Variants in ZBTB4 observed in about 807,000 individuals in gnomAD.
ZBTB4 encodes the protein zinc finger and BTB domain-containing protein 4.
A neutral mutation model predicts 59.8 loss-of-function variants in ZBTB4; 14 were observed. That is an observed-to-expected ratio of 0.23 (90% confidence interval 0.15 to 0.37). The LOEUF (loss-of-function observed/expected upper bound fraction) is 0.37. ZBTB4 is among the 10% of genes least tolerant of loss of function. The probability of loss-of-function intolerance (pLI) is 1.00; values close to 1 mark genes in which losing one functional copy is unlikely to be tolerated. For missense variants in ZBTB4, 1,198 were observed against 1,380.8 expected, an observed-to-expected ratio of 0.87 and a Z score of 2.10; for synonymous variants, 587 against 575.2, an observed-to-expected ratio of 1.02 and a Z score of -0.29.
intron 1 of ZBTB4, among the ~76,000 whole-genome samples, chr17:7,475,510 G>A (rs923916565): frequency 6.6e-6 from 1 of 151,944 alleles, no homozygotes; most frequent in Non-Finnish European, 1.5e-5. Flanking sequence ...GGAGCGCAGT[G>A]GCGTGATCTC....
intron 1 of ZBTB4, among the ~76,000 whole-genome samples, chr17:7,471,210 G>T (rs1426218058): frequency 6.6e-6 from 1 of 151,920 alleles, no homozygotes; most frequent in Non-Finnish European, 1.5e-5. Context: ...TTGAGACAGG[G>T]TCTCATTCTG....
chr17:7,476,197 C>T (rs2070267125), intron 1 of ZBTB4, among the ~76,000 whole-genome samples: 1 of 152,180 alleles, frequency 6.6e-6, no homozygotes, highest in Non-Finnish European at 1.5e-5. Flanking sequence ...CGTCCCTAAC[C>T]ACAGTTCAGG....
At chr17:7,474,901 A>G (rs912484342) in intron 1 of ZBTB4, among the ~76,000 whole-genome samples, 2 of 150,774 alleles carry the variant, frequency 1.3e-5, no homozygotes, top group African/African-American at 4.9e-5. Context: ...AACCCCAGCT[A>G]CTCAGGTGGC....
intron 1 of ZBTB4, 32 bp from the exon 2 acceptor site, chr17:7,467,359 C>T: frequency 1.5e-6 from 1 of 674,888 alleles, no homozygotes; most frequent in African/African-American, 2.0e-5. Context: ...GTCAGGGGAA[C>T]CTAGAGGAGG....
In ZBTB4 at chr17:7,466,536, G is replaced by A; in HGVS notation, c.266C>T (p.Ser89Phe). The A allele has an allele frequency of 6.2e-7, 1 of 1,612,436 alleles. No homozygotes were observed. The highest frequency in any genetic ancestry group is 1.7e-4 in the Middle Eastern group (1 of 6,012). Residue 89 changes from serine to phenylalanine, a missense_variant, in exon 3 of 4, where the codon TCC becomes TTC. Physicochemically the swap from Ser to Phe is radical, Grantham distance 155. Transcript: ENST00000380599. The surrounding 1 kb of genome is among the most constrained non-coding windows in gnomAD (Gnocchi z 9.1). ...AGAAGAGGAAGAAGACGAGGAAGAG[G>A]AGGAGGAGGAAGAGGCAGCTGTGGT... ...ATTTAASSSS[S>F]SSSSSSSSSS...
rs1407888504 is a variant in ZBTB4 at position 7,463,783 on chromosome 17, G to A, written c.1199C>T (p.Thr400Ile). ...CTTGGGCTTGTAGCCTCCATTGGGT[G>A]TCTTCTCACTGGCAAGGAGGCCCGG... is the stretch of plus-strand genomic sequence containing the variant. Reference protein sequence around the residue: ...ISPGLLASEKTPNGGYKPKLN... With the variant: ...ISPGLLASEKIPNGGYKPKLN... Residue 400 changes from threonine (T) to isoleucine (I), a missense_variant, in exon 4 of 4, where the codon ACA (threonine) becomes ATA (isoleucine). Thr to Ile is a moderately conservative substitution (Grantham distance 89). This residue lies in a region of ZBTB4 where 60 missense variants were observed against 93.0 expected (regional missense o/e 0.64). Transcript: ENST00000380599. The A allele has an allele frequency of 1.2e-6, 2 of 1,614,044 alleles. No individual in the cohort carries two copies. Among genetic ancestry groups the A allele is most frequent in the Admixed American group, 3.3e-5 (2 of 60,010 alleles).
chr17:7,464,534 A>T (rs911773967), intron 3 of ZBTB4, among the ~76,000 whole-genome samples: 16 of 150,550 alleles, frequency 1.1e-4, no homozygotes, highest in South Asian at 4.2e-4. Context: ...CTTTTTTTTT[A>T]AATTCTCAAA....
rs576219942 is a variant in ZBTB4, at chr17:7,462,227, G to A, written c.2755C>T (p.Pro919Ser). 2 of 1,613,768 alleles carry A rather than the reference G, an allele frequency of 1.2e-6. No homozygotes were observed. Among genetic ancestry groups the A allele is most frequent in the Non-Finnish European group, 1.7e-6 (2 of 1,179,862 alleles). ...CCATAGACGAGCGGGTAGGGCTCAG[G>A]GTAGAAAGTGACTTTGGCAGCCCCT... ...GIGAAKVTFY[P>S]EPYPLVYGPQ... is the part of the protein sequence containing the mutation. The change falls in exon 4 of 4, where the codon CCT (proline) becomes TCT (serine). Residue 919 changes from proline to serine, a missense_variant. Physicochemically the swap from Pro to Ser is moderately conservative, Grantham distance 74 (BLOSUM62 -1). Coordinates refer to ENST00000380599, the MANE Select transcript of ZBTB4 (RefSeq NM_001128833.2). This position sits in a 1 kb window ranked among gnomAD's most constrained non-coding sequence, Gnocchi z 7.5.
intron 1 of ZBTB4, among the ~76,000 whole-genome samples, chr17:7,473,507 G>C (rs560386317): frequency 1.3e-5 from 2 of 151,926 alleles, no homozygotes; most frequent in African/African-American, 4.8e-5. Flanking sequence ...TGATCTGCCC[G>C]CCTCAGCCTC....
upstream of ZBTB4, among the ~76,000 whole-genome samples, chr17:7,480,661 A>G (rs889600057): frequency 6.6e-6 from 1 of 151,100 alleles, no homozygotes; most frequent in Admixed American, 6.6e-5. Context: ...CGGAGCTTGC[A>G]GTGAGCCGAG....
Position 7,475,505 on chromosome 17 carries a change from G to A in ZBTB4, c.-81+3951C>T, listed in dbSNP as rs759329459. On this transcript the variant is annotated intron_variant, in intron 1 of 3. Coordinates refer to ENST00000380599, the MANE Select transcript of ZBTB4 (RefSeq NM_001128833.2). The stretch of plus-strand genomic sequence containing the variant: ...ATTATCCTGTTGCCCAGGCTGGAGC[G>A]CAGTGGCGTGATCTCGGCTCACTGC... Among the ~76,000 whole-genome samples the A allele has an allele frequency of 3.9e-5, 6 of 152,084 alleles. No homozygotes were observed. In the South Asian group the frequency reaches 1.2e-3, roughly 32 times the overall value.
At chr17:7,467,236 G>C in intron 2 of ZBTB4, 21 bp downstream of exon 2, 2 of 1,002,688 alleles carry the variant, frequency 2.0e-6, no homozygotes, top group South Asian at 9.1e-5. Flanking sequence ...CCTCACTGTA[G>C]GCCTCTGGGT....
At chr17:7,474,535 T>A (rs1317778856) in intron 1 of ZBTB4, among the ~76,000 whole-genome samples, 1 of 152,110 alleles carries the variant, frequency 6.6e-6, no homozygotes, top group East Asian at 1.9e-4. Flanking sequence ...GGGAATTTTG[T>A]CTGCTTTGTT....
rs955301739 is a variant in ZBTB4 at position 7,467,301 on chromosome 17, G to A, written c.-54C>T. 2.6e-5 allele frequency: 25 copies of A among 961,316 alleles called. No individual in the cohort carries two copies. In the Admixed American group the frequency reaches 4.3e-4, roughly 16 times the overall value. The allele number at this position is 961,316 out of a possible 1,614,324, so 59.5% of individuals were successfully genotyped here. ...GGAGTGGGGCGGGGGGTGGCTCAGC[G>A]AGTCCCTTCTGCTGGGCCTCTTCCT... On this transcript the variant is annotated 5_prime_UTR_variant, in exon 2 of 4. Coordinates refer to ENST00000380599, the MANE Select transcript of ZBTB4 (RefSeq NM_001128833.2).
rs3853894 is a variant in ZBTB4, at chr17:7,467,286, G to A, written c.-39C>T. 146,101 of 983,610 alleles carry A rather than the reference G, an allele frequency of 0.15. 11,427 individuals are homozygous for A. The highest frequency in any genetic ancestry group is 0.22 in the South Asian group (4,726 of 21,230). The allele number at this position is 983,610 out of a possible 1,614,324, so 60.9% of individuals were successfully genotyped here. A position where few individuals can be genotyped will look rare whatever the true frequency, so the allele number is the denominator to read the frequency against. On this transcript the variant is annotated 5_prime_UTR_variant, in exon 2 of 4. Transcript: ENST00000380599. The stretch of plus-strand genomic sequence containing the variant: ...GAGCACAGCCAACATGGAGTGGGGC[G>A]GGGGGTGGCTCAGCGAGTCCCTTCT...
At chr17:7,471,602 T>G (rs966566176) in intron 1 of ZBTB4, among the ~76,000 whole-genome samples, 1 of 152,180 alleles carries the variant, frequency 6.6e-6, no homozygotes, top group Non-Finnish European at 1.5e-5. Context: ...GGACGCAGCT[T>G]GAGTTAAACT....
rs760906795 is a variant in ZBTB4 at position 7,463,162 on chromosome 17, C to T, written c.1820G>A (p.Arg607Gln). The T allele has an allele frequency of 1.9e-6, 3 of 1,607,320 alleles. No homozygotes were observed. The highest frequency in any genetic ancestry group is 1.7e-5 in the Admixed American group (1 of 59,496). The change falls in exon 4 of 4, where the codon CGA becomes CAA. Residue 607 changes from arginine (R) to glutamine (Q), a missense_variant. Coordinates refer to ENST00000380599, the MANE Select transcript of ZBTB4 (RefSeq NM_001128833.2). ...APPPLCQITV[R>Q]IGEEAIVKRR... ...CTTGACGATGGCCTCCTCCCCTATTCGCACAGTGATCTGACACAGTGGAGG... is the reference window on the plus strand; with the variant it reads ...CTTGACGATGGCCTCCTCCCCTATTTGCACAGTGATCTGACACAGTGGAGG...
chr17:7,472,577 C>T (rs1352365331), intron 1 of ZBTB4, among the ~76,000 whole-genome samples: 1 of 151,412 alleles, frequency 6.6e-6, no homozygotes, highest in Non-Finnish European at 1.5e-5. Context: ...GTGATCTGCC[C>T]GCCTCTGCCT....
At chr17:7,477,206 G>T (rs2070280313) in intron 1 of ZBTB4, among the ~76,000 whole-genome samples, 2 of 150,846 alleles carry the variant, frequency 1.3e-5, no homozygotes, top group African/African-American at 5.0e-5. Context: ...AGGGCTGACA[G>T]GGGCTGGCAT....
Sources: gnomAD v4.1 joint callset for allele counts (sites outside exome capture counted in the v4.1 genomes callset) on GRCh38, gnomAD v4.1.1 for gene constraint, gnomAD v4.1.1 regional missense constraint, Gnocchi (gnomAD v3.1) non-coding constraint, MANE v1.5 for transcripts, NCBI Gene and HGNC (gene_info 2026-07-23, HGNC 2026-07-21) for gene names.